The following MMRN1 variants were observed in gnomAD, a reference collection of about 807,000 sequenced individuals.
The protein encoded by MMRN1 is multimerin-1.
In MMRN1, 94 loss-of-function variants were observed where a neutral mutation model predicts 100.7. That is an observed-to-expected ratio of 0.93 (90% CI 0.79 to 1.11). The LOEUF (loss-of-function observed/expected upper bound fraction) is 1.11, where lower values mean the gene tolerates loss of function less well. Ranked by LOEUF, MMRN1 falls within the 50% of genes least tolerant of loss-of-function variation. The probability of loss-of-function intolerance (pLI) is 0.00; values close to 1 mark genes in which losing one functional copy is unlikely to be tolerated. For missense variants in MMRN1, 1,606 were observed against 1,439.1 expected (o/e 1.12, Z -1.88); for synonymous variants, 575 against 505.0 (o/e 1.14, Z -1.86).
rs376204501 is a variant in MMRN1 at position 89,935,369 on chromosome 4, G to A, written c.1689G>A (p.Met563Ile). 1 of 1,613,076 alleles carries A rather than the reference G, an allele frequency of 6.2e-7. No homozygotes were observed. Among genetic ancestry groups the A allele is most frequent in the African/African-American group, 1.3e-5 (1 of 74,880 alleles). ...AGCAGAGTTTGATGATGCTGCAAAT[G>A]TTTGAAGATTTGCACATTCAAGAAA... ...IKKQSLMMLQ[M>I]FEDLHIQESK... The change falls in exon 6 of 8, where the codon ATG becomes ATA. Residue 563 changes from methionine (M) to isoleucine (I), a missense_variant. Physicochemically the swap from Met to Ile is conservative, Grantham distance 10. Coordinates refer to ENST00000264790, the MANE Select transcript of MMRN1 (RefSeq NM_007351.3).
At chr4:89,899,642 G>A (rs6532200) in intron 1 of MMRN1, among the ~76,000 whole-genome samples, 15,902 of 151,998 alleles carry the variant, frequency 0.1, 1,949 homozygotes, top group East Asian at 0.31. Flanking sequence ...TGCCTACTTA[G>A]CTTTTCCCAC....
Position 89,936,800 on chromosome 4 carries a change from T to C in MMRN1, c.3118+2T>C. ...ACACGGACAACATAATATATCCTGG[T>C]AAGCTGTTACTGAAAAGTAACTTTT... On this transcript the variant is annotated splice_donor_variant, in intron 6 of 7. Coordinates refer to ENST00000264790, the MANE Select transcript of MMRN1 (RefSeq NM_007351.3). LOFTEE classifies it high-confidence loss of function. The C allele has an allele frequency of 6.4e-7, 1 of 1,569,876 alleles. No homozygotes were observed. The highest frequency in any genetic ancestry group is 1.2e-5 in the South Asian group (1 of 82,562).
intron 7 of MMRN1, among the ~76,000 whole-genome samples, chr4:89,951,984 A>G (rs1723193854): frequency 6.6e-6 from 1 of 152,168 alleles, no homozygotes; most frequent in African/African-American, 2.4e-5. Context: ...ATTGCTATAT[A>G]GAGGCAGTTT....
At chr4:89,939,870 T>G (rs994403507) in intron 6 of MMRN1, among the ~76,000 whole-genome samples, 25 of 152,164 alleles carry the variant, frequency 1.6e-4, no homozygotes, top group Non-Finnish European at 2.6e-4. Flanking sequence ...GTGCTACTTT[T>G]CAGTTTGGCT....
chr4:89,899,892 T>C (rs1165251066), intron 1 of MMRN1, among the ~76,000 whole-genome samples: 1 of 152,032 alleles, frequency 6.6e-6, no homozygotes, highest in Non-Finnish European at 1.5e-5. Flanking sequence ...TCCACTCTTG[T>C]CTACCATAAT....
chr4:89,918,022 G>T (rs1721976674), intron 3 of MMRN1, among the ~76,000 whole-genome samples: 1 of 151,484 alleles, frequency 6.6e-6, no homozygotes, highest in East Asian at 1.9e-4. Context: ...ATAAATCAAT[G>T]AATATTTATT....
intron 6 of MMRN1, among the ~76,000 whole-genome samples, chr4:89,949,764 C>T (rs1723102719): frequency 6.6e-6 from 1 of 152,114 alleles, no homozygotes; most frequent in African/African-American, 2.4e-5. Flanking sequence ...AATATATTTG[C>T]TTTGCAAAAA....
intron 7 of MMRN1, 95 bp from the exon 8 acceptor site, chr4:89,952,902 C>A (rs966097568): frequency 3.2e-6 from 4 of 1,267,084 alleles, no homozygotes; most frequent in Non-Finnish European, 3.2e-6. Flanking sequence ...TCTGCTAAGA[C>A]TTTTTGTAAC....
intron 6 of MMRN1, among the ~76,000 whole-genome samples, chr4:89,939,421 T>A (rs1386092711): frequency 6.6e-6 from 1 of 152,208 alleles, no homozygotes; most frequent in African/African-American, 2.4e-5. Context: ...CCTGATAATA[T>A]GAATACCGTA....
intron 6 of MMRN1, among the ~76,000 whole-genome samples, chr4:89,940,264 T>G (rs1252010452): frequency 6.6e-6 from 1 of 152,148 alleles, no homozygotes; most frequent in Non-Finnish European, 1.5e-5. Flanking sequence ...GCTGAGCATG[T>G]GCACCTCCTG....
Position 89,936,582 on chromosome 4 carries a change from G to A in MMRN1, c.2902G>A (p.Glu968Lys), listed in dbSNP as rs756839921. Residue 968 changes from glutamate (E) to lysine (K), a missense_variant, in exon 6 of 8, where the codon GAA becomes AAA. By Grantham distance (56) the Glu-to-Lys change is moderately conservative (BLOSUM62 1). Coordinates refer to ENST00000264790, the MANE Select transcript of MMRN1 (RefSeq NM_007351.3). ...TCAGAAAGGTCTAACAGAATTTGTG[G>A]AACCAATAATTCAAATAAAAACTCA... is the stretch of plus-strand genomic sequence containing the variant. ...LLQKGLTEFV[E>K]PIIQIKTQAA... 2 of 1,611,852 alleles carry A rather than the reference G, an allele frequency of 1.2e-6. No individual in the cohort carries two copies. The highest frequency in any genetic ancestry group is 2.2e-5 in the East Asian group (1 of 44,798).
rs755756236 is a variant in MMRN1 at position 89,894,997 on chromosome 4, T to A, written c.26T>A (p.Leu9His). MKGARLFV[L>H]LSSLWSGGIG... ...ATGAAGGGGGCAAGATTATTTGTCCTTCTTTCTAGTTTATGGAGTGGGGGC... is the reference window on the plus strand; with the variant it reads ...ATGAAGGGGGCAAGATTATTTGTCCATCTTTCTAGTTTATGGAGTGGGGGC... Residue 9 changes from leucine to histidine, a missense_variant, in exon 1 of 8, where the codon CTT becomes CAT. Physicochemically the swap from Leu to His is moderately conservative, Grantham distance 99. Transcript: ENST00000264790. The A allele has an allele frequency of 6.2e-7, 1 of 1,612,234 alleles. No homozygotes were observed. The highest frequency in any genetic ancestry group is 1.1e-5 in the South Asian group (1 of 90,842).
chr4:89,946,775 A>G (rs1722997685), intron 6 of MMRN1, among the ~76,000 whole-genome samples: 3 of 152,186 alleles, frequency 2.0e-5, no homozygotes, highest in Admixed American at 1.3e-4. Flanking sequence ...GAAAATTGTA[A>G]CTAGAGCACA....
In MMRN1 at chr4:89,935,824, G is replaced by GACGTATC. The variant is rs775708889; in HGVS notation, c.2146_2152dup (p.Asn718ThrfsTer4). 1.9e-6 allele frequency: 3 copies of GACGTATC among 1,613,198 alleles called. No homozygotes were observed. In the South Asian group the frequency reaches 3.3e-5, roughly 18 times the overall value. Reference sequence around the variant, plus strand: ...CAGGGTCGTGATGATGCCTTAGAAAGACGTATCAATGAATATGCCTTAGAA... The same window carrying GACGTATC: ...CAGGGTCGTGATGATGCCTTAGAAAGACGTATCACGTATCAATGAATATGCCTTAGAA... On this transcript the variant is annotated frameshift_variant, in exon 6 of 8. Transcript: ENST00000264790. LOFTEE classifies it high-confidence loss of function.
chr4:89,929,154 G>A (rs1449956843), intron 5 of MMRN1, among the ~76,000 whole-genome samples: 1 of 152,060 alleles, frequency 6.6e-6, no homozygotes, highest in African/African-American at 2.4e-5. Flanking sequence ...TCCCAGTCGG[G>A]TTTATTGTAT....
At chr4:89,921,798 T>C (rs1447298239) in intron 3 of MMRN1, among the ~76,000 whole-genome samples, 1 of 152,130 alleles carries the variant, frequency 6.6e-6, no homozygotes, top group Non-Finnish European at 1.5e-5. Context: ...CAAAATTCAA[T>C]CTAACAATAT....
In MMRN1 at chr4:89,895,637, G is replaced by T. The variant is rs80050389; in HGVS notation, c.623+43G>T. 1.5e-3 allele frequency: 2,354 copies of T among 1,530,944 alleles called. 20 individuals are homozygous for T. In the African/African-American group the frequency reaches 0.024, roughly 16 times the overall value. 94.8% of individuals were successfully genotyped at this position (1,530,944 alleles called of 1,614,324 possible). Reference sequence around the variant, plus strand: ...CTTTTTGTTCTTTCTCTGTCTATCAGGTCTAGAAGATTGCAAGTGAAATTT... The same window carrying T: ...CTTTTTGTTCTTTCTCTGTCTATCATGTCTAGAAGATTGCAAGTGAAATTT... On this transcript the variant is annotated intron_variant, in intron 1 of 7. Transcript: ENST00000264790.
At chr4:89,881,444 GT>G (rs1720813016) in intron 1 of MMRN1, among the ~76,000 whole-genome samples, 1 of 151,916 alleles carries the variant, frequency 6.6e-6, no homozygotes, top group Non-Finnish European at 1.5e-5. Flanking sequence ...TACTTGTTTT[GT>G]TAAAAATGAT....
At chr4:89,891,594 A>G (rs921555516), upstream of MMRN1, among the ~76,000 whole-genome samples, 4 of 152,108 alleles carry the variant, frequency 2.6e-5, no homozygotes, top group African/African-American at 9.6e-5. Flanking sequence ...CATCAAAATC[A>G]TGCAGAAATC....
Sources: allele counts gnomAD v4.1 joint callset (sites outside exome capture counted in the v4.1 genomes callset), GRCh38; gene constraint gnomAD v4.1.1; transcripts MANE v1.5; gene names NCBI Gene and HGNC (gene_info 2026-07-23, HGNC 2026-07-21).